Variants in PPM1B observed in about 807,000 individuals in gnomAD.
The protein encoded by PPM1B is protein phosphatase 1B.
PPM1B carries 22 observed loss-of-function variants against 43.0 expected under a neutral mutation model. The observed-to-expected ratio is 0.51, with a 90% CI of 0.37 to 0.73. The LOEUF is 0.73. Ranked by LOEUF, PPM1B falls within the 30% of genes least tolerant of loss-of-function variation. The pLI is 0.00. For missense variants in PPM1B, 632 were observed against 584.2 expected (o/e 1.08, Z -0.84); for synonymous variants, 217 against 197.9 (o/e 1.10, Z -0.81).
At chr2:44,234,630 G>A (rs940962191), downstream of PPM1B, 4 of 984,820 alleles carry the variant, frequency 4.1e-6, no homozygotes, top group South Asian at 9.4e-5. Context: ...CCCATATTCA[G>A]TGTTGACTCA....
intron 1 of PPM1B, among the ~76,000 whole-genome samples, chr2:44,190,187 G>A (rs1436395962): frequency 8.3e-6 from 1 of 121,168 alleles, no homozygotes; most frequent in African/African-American, 3.2e-5. Flanking sequence ...AGACCGTCTT[G>A]CCCTGTTGCC....
At chr2:44,192,128 T>C (rs1558400280) in intron 1 of PPM1B, among the ~76,000 whole-genome samples, 1 of 152,060 alleles carries the variant, frequency 6.6e-6, no homozygotes, top group Non-Finnish European at 1.5e-5. Context: ...TTTCTAAACT[T>C]TTATTGACAA....
chr2:44,199,870 C>T (rs139805277), intron 1 of PPM1B, among the ~76,000 whole-genome samples: 2 of 151,946 alleles, frequency 1.3e-5, no homozygotes, highest in East Asian at 1.9e-4. Context: ...ATATATATAT[C>T]GAGTGGTTCA....
At chr2:44,173,992 C>T (rs1667469926) in intron 1 of PPM1B, among the ~76,000 whole-genome samples, 1 of 152,154 alleles carries the variant, frequency 6.6e-6, no homozygotes, top group Admixed American at 6.5e-5. Context: ...ACCTCAAGAA[C>T]CTTGTAGCTT....
intron 1 of PPM1B, among the ~76,000 whole-genome samples, chr2:44,177,768 G>T (rs1667654233): frequency 6.6e-6 from 1 of 151,384 alleles, no homozygotes; most frequent in African/African-American, 2.4e-5. Flanking sequence ...AGAGGTGTAT[G>T]TACATGACCA....
intron 3 of PPM1B, among the ~76,000 whole-genome samples, chr2:44,211,167 A>C (rs924446142): frequency 6.6e-6 from 1 of 152,162 alleles, no homozygotes; most frequent in Non-Finnish European, 1.5e-5. Flanking sequence ...TAACGTTGAT[A>C]CAATATTACT....
chr2:44,236,618 C>G (rs1670631485), downstream of PPM1B, among the ~76,000 whole-genome samples: 1 of 152,016 alleles, frequency 6.6e-6, no homozygotes, highest in South Asian at 2.1e-4. Context: ...GTTTACTTTT[C>G]AAACTGCCTG....
intron 1 of PPM1B, among the ~76,000 whole-genome samples, chr2:44,174,849 T>TA (rs1227025879): frequency 1.3e-5 from 2 of 152,238 alleles, no homozygotes; most frequent in East Asian, 3.8e-4. Flanking sequence ...CATGGGTGTT[T>TA]AACCTATTTG....
chr2:44,173,497 T>G (rs1260708644), intron 1 of PPM1B, among the ~76,000 whole-genome samples: 1 of 152,234 alleles, frequency 6.6e-6, no homozygotes, highest in African/African-American at 2.4e-5. Flanking sequence ...TGGTTTAACT[T>G]TAATAACAAC....
At chr2:44,223,548 G>C (rs1430413995) in intron 5 of PPM1B, among the ~76,000 whole-genome samples, 1 of 152,074 alleles carries the variant, frequency 6.6e-6, no homozygotes, top group Non-Finnish European at 1.5e-5. Flanking sequence ...GGTGGCTCAT[G>C]CCTGTAATGC....
At chr2:44,177,949 G>T (rs1245628402) in intron 1 of PPM1B, among the ~76,000 whole-genome samples, 2 of 146,278 alleles carry the variant, frequency 1.4e-5, no homozygotes, top group Non-Finnish European at 3.0e-5. Flanking sequence ...AGACAGTCCG[G>T]CTCTGTTGCT....
chr2:44,215,444 T>G (rs1196313416), intron 3 of PPM1B, among the ~76,000 whole-genome samples: 1 of 151,520 alleles, frequency 6.6e-6, no homozygotes, highest in Non-Finnish European at 1.5e-5. Flanking sequence ...GGCCACAGAG[T>G]AAGAACATGT....
chr2:44,223,842 A>G (rs907120150), intron 5 of PPM1B, among the ~76,000 whole-genome samples: 1 of 122,806 alleles, frequency 8.1e-6, no homozygotes, highest in Admixed American at 8.3e-5. Flanking sequence ...AAAAAAAAAA[A>G]AAGAGAGAGA....
intron 1 of PPM1B, among the ~76,000 whole-genome samples, chr2:44,193,518 CTAG>C (rs1558401522): frequency 6.6e-6 from 1 of 151,916 alleles, no homozygotes; most frequent in Non-Finnish European, 1.5e-5. Context: ...TGTAGCTTCC[CTAG>C]TAGCTAGGAC....
chr2:44,169,607 A>G (rs984983634), intron 1 of PPM1B, among the ~76,000 whole-genome samples: 3 of 152,358 alleles, frequency 2.0e-5, no homozygotes, highest in East Asian at 1.9e-4. Context: ...TTCACACGAA[A>G]GCACTGGGGC....
chr2:44,224,141 T>C (rs1293646669), intron 5 of PPM1B, among the ~76,000 whole-genome samples: 2 of 152,050 alleles, frequency 1.3e-5, no homozygotes, highest in Non-Finnish European at 2.9e-5. Flanking sequence ...TTCTCTACTG[T>C]TATAAGTAGT....
intron 3 of PPM1B, among the ~76,000 whole-genome samples, chr2:44,216,282 A>C (rs939995647): frequency 6.6e-6 from 1 of 152,136 alleles, no homozygotes; most frequent in African/African-American, 2.4e-5. Context: ...GTCATAGCTG[A>C]GGGGGTGCCA....
chr2:44,242,188 T>A (rs1458436301), intron 5 of PPM1B, among the ~76,000 whole-genome samples: 4 of 152,178 alleles, frequency 2.6e-5, no homozygotes, highest in Admixed American at 2.6e-4. Flanking sequence ...AACAAAACAT[T>A]ATTTCGTAGT....
At chr2:44,198,394 C>G (rs1157072486) in intron 1 of PPM1B, among the ~76,000 whole-genome samples, 2 of 152,162 alleles carry the variant, frequency 1.3e-5, no homozygotes, top group African/African-American at 2.4e-5. Context: ...CTCTTTGCCT[C>G]AAGTGATCCG....
Sources: allele counts gnomAD v4.1 joint callset (sites outside exome capture counted in the v4.1 genomes callset), GRCh38; gene constraint gnomAD v4.1.1; transcripts MANE v1.5; gene names NCBI Gene and HGNC (gene_info 2026-07-23, HGNC 2026-07-21).